ARHGAP12: variants seen among roughly 807,000 people sequenced by gnomAD.
ARHGAP12 encodes the protein rho GTPase-activating protein 12.
In ARHGAP12, 64 loss-of-function variants were observed where a neutral mutation model predicts 108.6. The observed-to-expected ratio is 0.59, with a 90% CI of 0.48 to 0.73. The LOEUF (loss-of-function observed/expected upper bound fraction) is 0.73, where lower values mean the gene tolerates loss of function less well. Among genes scored for constraint, ARHGAP12 ranks in the 30% least tolerant of loss-of-function variants. ARHGAP12 has a pLI of 0.00. For synonymous variants in ARHGAP12, 312 were observed against 337.2 expected (o/e 0.93, Z 0.82); for missense variants, 940 against 1,005.9 (o/e 0.93, Z 0.89).
intron 3 of ARHGAP12, among the ~76,000 whole-genome samples, chr10:31,892,930 C>A (rs549041484): frequency 6.6e-6 from 1 of 152,250 alleles, no homozygotes; most frequent in South Asian, 2.1e-4. Flanking sequence ...CAAACTAGAA[C>A]TCAGGATTAA....
chr10:31,905,445 C>T (rs74980866), intron 3 of ARHGAP12, among the ~76,000 whole-genome samples: 4 of 152,106 alleles, frequency 2.6e-5, no homozygotes, highest in Non-Finnish European at 4.4e-5. Flanking sequence ...TTAGCAGAAA[C>T]AGTTTGGGTG....
intron 4 of ARHGAP12, among the ~76,000 whole-genome samples, chr10:31,858,330 A>C (rs1836964665): frequency 6.6e-6 from 1 of 152,248 alleles, no homozygotes; most frequent in South Asian, 2.1e-4. Flanking sequence ...GAAATACAAC[A>C]TATGACAGCA....
intron 10 of ARHGAP12, among the ~76,000 whole-genome samples, chr10:31,829,705 CA>C (rs1250506973): frequency 6.6e-6 from 1 of 152,138 alleles, no homozygotes; most frequent in Non-Finnish European, 1.5e-5. Context: ...TAAGCATGGG[CA>C]AAGATTCACT....
intron 9 of ARHGAP12, among the ~76,000 whole-genome samples, chr10:31,837,031 G>A (rs1052537833): frequency 3.3e-5 from 5 of 152,162 alleles, no homozygotes; most frequent in Non-Finnish European, 7.3e-5. Flanking sequence ...GCATGGTCTA[G>A]CTGCTGTCAA....
At chr10:31,887,893 A>G (rs900516792) in intron 3 of ARHGAP12, among the ~76,000 whole-genome samples, 4 of 151,820 alleles carry the variant, frequency 2.6e-5, no homozygotes, top group Admixed American at 1.3e-4. Flanking sequence ...TTCTGACCTC[A>G]TGATCCGCCC....
intron 14 of ARHGAP12, among the ~76,000 whole-genome samples, chr10:31,813,917 G>C (rs1201342262): frequency 6.6e-6 from 1 of 152,130 alleles, no homozygotes; most frequent in Admixed American, 6.5e-5. Context: ...AAAAGTATAA[G>C]ATTCTATGTA....
chr10:31,860,765 C>G (rs1412567021), intron 4 of ARHGAP12, among the ~76,000 whole-genome samples: 1 of 152,170 alleles, frequency 6.6e-6, no homozygotes, highest in East Asian at 1.9e-4. Context: ...GGTCACATCA[C>G]ATTTCTATTT....
chr10:31,845,186 A>G (rs1216802580), intron 6 of ARHGAP12, among the ~76,000 whole-genome samples: 1 of 152,210 alleles, frequency 6.6e-6, no homozygotes, highest in African/African-American at 2.4e-5. Flanking sequence ...ACTTTTTACT[A>G]GACAAATGGG....
intron 6 of ARHGAP12, among the ~76,000 whole-genome samples, 178 bp from the exon 7 acceptor site, chr10:31,843,764 T>G (rs1439731699): frequency 6.6e-6 from 1 of 152,180 alleles, no homozygotes; most frequent in African/African-American, 2.4e-5. Flanking sequence ...GTGGCACAAT[T>G]GAGAAGATCA....
At position 31,908,815 on chromosome 10, in the gene ARHGAP12, T is replaced by C. The variant is rs1414306482; in HGVS notation, c.41A>G (p.Gln14Arg). The C allele has an allele frequency of 6.2e-7, 1 of 1,603,316 alleles. No homozygotes were observed. Residue 14 changes from glutamine to arginine, a missense_variant, in exon 3 of 20, where the codon CAA becomes CGA. Coordinates refer to ENST00000344936, the MANE Select transcript of ARHGAP12 (RefSeq NM_018287.7). ...ADRSGKIIPG[Q>R]VYIEVEYDYE... ...ATCATATTCCACCTCAATATACACT[T>C]GTCCTGGAATAATCTTCCCACTTCT...
intron 14 of ARHGAP12, among the ~76,000 whole-genome samples, chr10:31,813,888 C>T (rs1835105520): frequency 6.6e-6 from 1 of 152,140 alleles, no homozygotes; most frequent in Non-Finnish European, 1.5e-5. Context: ...GTACATATTC[C>T]ATGACTTTTG....
intron 3 of ARHGAP12, among the ~76,000 whole-genome samples, chr10:31,877,300 G>A (rs1837767287): frequency 6.6e-6 from 1 of 152,288 alleles, no homozygotes; most frequent in Non-Finnish European, 1.5e-5. Flanking sequence ...CTCTGTTTTA[G>A]TAAATACACT....
intron 4 of ARHGAP12, among the ~76,000 whole-genome samples, chr10:31,859,718 T>C (rs1335846161): frequency 6.6e-6 from 1 of 152,242 alleles, no homozygotes; most frequent in Non-Finnish European, 1.5e-5. Context: ...TTCTCTAAAA[T>C]TGTTAAATTT....
chr10:31,882,831 A>C (rs1274922360), intron 3 of ARHGAP12, among the ~76,000 whole-genome samples: 1 of 151,584 alleles, frequency 6.6e-6, no homozygotes, highest in Non-Finnish European at 1.5e-5. Context: ...AAAAAAAAAA[A>C]AAAAAACAGA....
intron 9 of ARHGAP12, 56 bp from the exon 10 acceptor site, chr10:31,831,856 C>A: frequency 8.8e-7 from 1 of 1,141,380 alleles, no homozygotes; most frequent in Non-Finnish European, 1.3e-6. Context: ...GGTCCAAGTT[C>A]TTACACATGA....
chr10:31,926,837 C>T (rs190175027), intron 1 of ARHGAP12, among the ~76,000 whole-genome samples: 111 of 152,208 alleles, frequency 7.3e-4, no homozygotes, highest in East Asian at 6.6e-3. Context: ...TTCATTTGCA[C>T]CTCGAAACAA....
At chr10:31,831,869 G>C (rs995062728) in intron 9 of ARHGAP12, 69 bp from the exon 10 acceptor site, 1 of 900,848 alleles carries the variant, frequency 1.1e-6, no homozygotes, top group South Asian at 2.1e-5. Context: ...ACACATGACT[G>C]AACCAACATG....
intron 1 of ARHGAP12, among the ~76,000 whole-genome samples, chr10:31,918,054 C>T (rs1242045065): frequency 4.0e-5 from 6 of 151,758 alleles, no homozygotes; most frequent in African/African-American, 1.2e-4. Context: ...CTCCTGGGTT[C>T]AAGAAATCTT....
chr10:31,889,901 A>G (rs1487426115), intron 3 of ARHGAP12, among the ~76,000 whole-genome samples: 1 of 151,562 alleles, frequency 6.6e-6, no homozygotes, highest in African/African-American at 2.4e-5. Context: ...TGTATATTTT[A>G]ATATATATAA....
Sources: gnomAD v4.1 joint callset for allele counts (sites outside exome capture counted in the v4.1 genomes callset) on GRCh38, gnomAD v4.1.1 for gene constraint, MANE v1.5 for transcripts, NCBI Gene and HGNC (gene_info 2026-07-23, HGNC 2026-07-21) for gene names.